SYNPR: variants seen among roughly 807,000 people sequenced by gnomAD.
SYNPR encodes the protein synaptoporin.
A neutral mutation model predicts 32.9 loss-of-function variants in SYNPR; 23 were observed. The ratio of observed to expected loss-of-function variants is 0.70; its 90% CI spans 0.50 to 0.99. SYNPR has a LOEUF of 0.99. SYNPR is among the 50% of genes least tolerant of loss of function. The pLI is 0.00. For missense variants in SYNPR, 318 were observed against 349.3 expected, an observed-to-expected ratio of 0.91 and a Z score of 0.71; for synonymous variants, 146 against 135.9, an observed-to-expected ratio of 1.07 and a Z score of -0.52.
chr3:63,607,852 G>T (rs1208508147), intron 4 of SYNPR, among the ~76,000 whole-genome samples: 1 of 113,962 alleles, frequency 8.8e-6, no homozygotes, highest in Admixed American at 8.7e-5. Flanking sequence ...TAGATCATGG[G>T]ATCGTGATGA....
At chr3:63,221,616 T>C in the SYNPR span, among the ~76,000 whole-genome samples, 26 of 152,072 alleles carry the variant, frequency 1.7e-4, no homozygotes, top group Non-Finnish European at 3.2e-4. Context: ...AGCCAGGAAA[T>C]ATGCAGACCT....
intron 1 of SYNPR, among the ~76,000 whole-genome samples, chr3:63,248,701 AG>A (rs2086309407): frequency 6.6e-6 from 1 of 152,144 alleles, no homozygotes; most frequent in Non-Finnish European, 1.5e-5. Flanking sequence ...TATGTGAAAT[AG>A]ATGCTCTGCA....
At chr3:63,266,825 C>G (rs942320766) in intron 2 of SYNPR, among the ~76,000 whole-genome samples, 2 of 151,936 alleles carry the variant, frequency 1.3e-5, no homozygotes, top group African/African-American at 4.8e-5. Context: ...CTGGCTTCTC[C>G]ACGAGACCCA....
chr3:63,517,439 C>CATTAAG (rs1701821302), intron 3 of SYNPR, among the ~76,000 whole-genome samples: 1 of 151,984 alleles, frequency 6.6e-6, no homozygotes, highest in Non-Finnish European at 1.5e-5. Flanking sequence ...TGAATTTGTA[C>CATTAAG]TGAAAAGCAC....
chr3:63,254,552 C>T, intron 2 of SYNPR, among the ~76,000 whole-genome samples: 1 of 152,124 alleles, frequency 6.6e-6, no homozygotes, highest in Non-Finnish European at 1.5e-5. Context: ...TTATTGAGCA[C>T]TGAGTACGTG....
At chr3:63,453,292 C>G (rs1292354166) in intron 2 of SYNPR, among the ~76,000 whole-genome samples, 1 of 152,074 alleles carries the variant, frequency 6.6e-6, no homozygotes, top group African/African-American at 2.4e-5. Context: ...GAGTCAGGAA[C>G]CCCCCAACAG....
At chr3:63,299,071 G>C (rs1027328893) in intron 2 of SYNPR, among the ~76,000 whole-genome samples, 3 of 152,026 alleles carry the variant, frequency 2.0e-5, no homozygotes, top group Non-Finnish European at 4.4e-5. Context: ...CTTTGTCTGA[G>C]CTTATATTAA....
In SYNPR at chr3:63,266,417, T is replaced by C. The variant is rs1262928696; in HGVS notation, n.155-900T>C. On this transcript the variant is annotated intron_variant and non_coding_transcript_variant, in intron 2 of 4. Transcript: ENST00000478456. ...AATTATTAATGGAATAAAACAAAAA[T>C]AAAGGCCGGGAGCGGTGGCTCATGC... Among the ~76,000 whole-genome samples the C allele has an allele frequency of 3.3e-5, 5 of 151,944 alleles. No homozygotes were observed. The South Asian group carries it at 1.0e-3, about 32-fold the overall frequency.
chr3:63,307,445 A>G (rs909254444), intron 2 of SYNPR, among the ~76,000 whole-genome samples: 1 of 152,002 alleles, frequency 6.6e-6, no homozygotes, highest in South Asian at 2.1e-4. Flanking sequence ...TAATTCCTTC[A>G]TTCCTTAATG....
intron 2 of SYNPR, among the ~76,000 whole-genome samples, chr3:63,425,700 T>C (rs552214123): frequency 6.6e-6 from 1 of 152,212 alleles, no homozygotes; most frequent in African/African-American, 2.4e-5. Context: ...AACCGCAGTA[T>C]TCAGATATGT....
chr3:63,234,717 C>T (rs866221697), intron 1 of SYNPR, among the ~76,000 whole-genome samples: 19 of 152,260 alleles, frequency 1.2e-4, no homozygotes, highest in Middle Eastern at 3.4e-3. Flanking sequence ...TGCCTGTAGT[C>T]AGAGTTTTTG....
chr3:63,271,000 T>TTTCC (rs1174218865), intron 3 of SYNPR, among the ~76,000 whole-genome samples: 4 of 77,748 alleles, frequency 5.1e-5, no homozygotes, highest in South Asian at 7.1e-4. Context: ...CTTCCTTTTC[T>TTTCC]TTCCTTCCTT....
At chr3:63,408,371 A>AGAGGAAGGAAGGAAGGAAGGAAGGAAG in intron 2 of SYNPR, among the ~76,000 whole-genome samples, 1 of 151,518 alleles carries the variant, frequency 6.6e-6, no homozygotes, top group African/African-American at 2.4e-5. Context: ...AAAGAAAGAA[A>AGAGGAAGGAAGGAAGGAAGGAAGGAAG]GAAAGAAAGA....
chr3:63,357,858 T>A (rs1255951716), intron 2 of SYNPR, among the ~76,000 whole-genome samples: 1 of 152,330 alleles, frequency 6.6e-6, no homozygotes, highest in Non-Finnish European at 1.5e-5. Context: ...ACTGAATGTA[T>A]TGGCAACCTG....
chr3:63,511,535 C>T (rs1701699719), intron 3 of SYNPR, among the ~76,000 whole-genome samples: 1 of 152,116 alleles, frequency 6.6e-6, no homozygotes, highest in African/African-American at 2.4e-5. Flanking sequence ...TCCAAGAAGG[C>T]AAGAAAGAGA....
upstream of SYNPR, chr3:63,278,255 A>C: frequency 2.4e-6 from 1 of 421,972 alleles, no homozygotes; most frequent in Non-Finnish European, 4.2e-6. Flanking sequence ...CCCTGGCTCC[A>C]TGGGTTTCCC....
chr3:63,614,433 C>A (rs916650204), intron 5 of SYNPR, among the ~76,000 whole-genome samples: 4 of 152,186 alleles, frequency 2.6e-5, no homozygotes, highest in African/African-American at 9.7e-5. Flanking sequence ...CTCACTGACA[C>A]CCTCCTGGAG....
At chr3:63,269,692 C>T (rs1417523956) in intron 3 of SYNPR, among the ~76,000 whole-genome samples, 2 of 152,190 alleles carry the variant, frequency 1.3e-5, no homozygotes, top group Admixed American at 6.5e-5. Context: ...TACTGCTCTA[C>T]ACAGAACCGA....
the SYNPR span, among the ~76,000 whole-genome samples, chr3:63,210,876 G>A: frequency 6.8e-6 from 1 of 146,018 alleles, no homozygotes; most frequent in Admixed American, 7.0e-5. Flanking sequence ...TAAACTAATT[G>A]TATACTAATT....
Sources: allele counts gnomAD v4.1 joint callset (sites outside exome capture counted in the v4.1 genomes callset), GRCh38; gene constraint gnomAD v4.1.1; transcripts MANE v1.5; gene names NCBI Gene and HGNC (gene_info 2026-07-23, HGNC 2026-07-21).